The following SGCZ variants were observed in gnomAD, a reference collection of about 807,000 sequenced individuals.
The protein encoded by SGCZ is zeta-sarcoglycan.
SGCZ carries 40 observed loss-of-function variants against 41.3 expected under a neutral mutation model. That is an observed-to-expected ratio of 0.97 (90% confidence interval 0.75 to 1.26). SGCZ has a LOEUF of 1.26. Among genes scored for constraint, SGCZ ranks in the 50% most tolerant of loss-of-function variants. The pLI is 0.00. For missense variants in SGCZ, 552 were observed against 369.8 expected, an observed-to-expected ratio of 1.49 and a Z score of -4.04; for synonymous variants, 206 against 137.5, an observed-to-expected ratio of 1.50 and a Z score of -3.49.
At chr8:14,484,739 C>G (rs1801627514) in intron 2 of SGCZ, among the ~76,000 whole-genome samples, 1 of 152,090 alleles carries the variant, frequency 6.6e-6, no homozygotes, top group Non-Finnish European at 1.5e-5. Context: ...ATATTTATAT[C>G]TAAAATGTTT....
chr8:15,079,512 T>C (rs1055000423), intron 1 of SGCZ, among the ~76,000 whole-genome samples: 4 of 152,232 alleles, frequency 2.6e-5, no homozygotes, highest in Non-Finnish European at 4.4e-5. Context: ...CTTAAGCAAA[T>C]AAGTTTGCCT....
At position 14,669,173 on chromosome 8, in the gene SGCZ, A is replaced by AAC. The variant is rs1001554139; in HGVS notation, c.40-114249_40-114248dup. 1.2e-3 allele frequency among the ~76,000 whole-genome samples: 158 copies of AAC among 134,408 alleles called. 1 individual carries two copies. The highest frequency in any genetic ancestry group is 4.1e-3 in the African/African-American group (136 of 32,870). The allele number at this position is 134,408 out of a possible 152,430, so 88.2% of individuals were successfully genotyped here. Reference sequence around the variant, plus strand: ...AACATGGTAAAACCTCGTCTCTACAAACACACACACACACACTACAAATAT... The same window carrying AAC: ...AACATGGTAAAACCTCGTCTCTACAAACACACACACACACACACTACAAATAT... On this transcript the variant is annotated intron_variant, in intron 1 of 7. Coordinates refer to ENST00000382080, the MANE Select transcript of SGCZ (RefSeq NM_139167.4).
intron 2 of SGCZ, among the ~76,000 whole-genome samples, chr8:14,476,092 C>A (rs1044468973): frequency 9.2e-5 from 14 of 152,066 alleles, no homozygotes; most frequent in Admixed American, 6.6e-4. Flanking sequence ...GGTGTGCTGG[C>A]CTGATGGTTA....
chr8:14,731,575 C>T (rs960461476), intron 1 of SGCZ, among the ~76,000 whole-genome samples: 27 of 152,034 alleles, frequency 1.8e-4, no homozygotes, highest in African/African-American at 6.5e-4. Context: ...CTGTTTAATT[C>T]AACAATACTT....
At chr8:14,915,634 A>G (rs1564449) in intron 1 of SGCZ, among the ~76,000 whole-genome samples, 18,665 of 152,116 alleles carry the variant, frequency 0.12, 2,575 homozygotes, top group African/African-American at 0.34. Context: ...GGGCACGGCG[A>G]CCAGCCTTCC....
chr8:14,654,352 C>G (rs983894575), intron 1 of SGCZ, among the ~76,000 whole-genome samples: 7 of 151,942 alleles, frequency 4.6e-5, no homozygotes, highest in Non-Finnish European at 1.0e-4. Flanking sequence ...CCAGGCTGCT[C>G]ACTGTGCCTC....
intron 2 of SGCZ, among the ~76,000 whole-genome samples, chr8:14,475,589 G>T (rs1363702562): frequency 6.6e-6 from 1 of 152,058 alleles, no homozygotes; most frequent in Non-Finnish European, 1.5e-5. Context: ...GTCTTTATTG[G>T]TTGGATTTTA....
chr8:15,221,713 C>G (rs1355535624), intron 1 of SGCZ, among the ~76,000 whole-genome samples: 1 of 152,126 alleles, frequency 6.6e-6, no homozygotes, highest in African/African-American at 2.4e-5. Context: ...GACGACTCTG[C>G]CCGAAACCTA....
At chr8:14,965,174 A>T (rs184294326) in intron 1 of SGCZ, among the ~76,000 whole-genome samples, 45 of 152,292 alleles carry the variant, frequency 3.0e-4, no homozygotes, top group African/African-American at 1.1e-3. Flanking sequence ...TAGTTCGCAG[A>T]ACTCAAAAAG....
chr8:14,826,776 G>A (rs1802338564), intron 1 of SGCZ, among the ~76,000 whole-genome samples: 1 of 152,090 alleles, frequency 6.6e-6, no homozygotes, highest in Admixed American at 6.6e-5. Context: ...CTTTTTGATG[G>A]GGTTGTTTGT....
intron 1 of SGCZ, among the ~76,000 whole-genome samples, chr8:14,573,650 G>GCAGGAGAGACTGGTTCC (rs1804626617): frequency 1.3e-5 from 2 of 151,890 alleles, no homozygotes; most frequent in Non-Finnish European, 2.9e-5. Context: ...TTCTCTTATG[G>GCAGGAGAGACTGGTTCC]CAGGAGAGAC....
chr8:15,070,557 G>A (rs548000910), intron 1 of SGCZ, among the ~76,000 whole-genome samples: 14 of 152,246 alleles, frequency 9.2e-5, no homozygotes, highest in Admixed American at 5.2e-4. Context: ...AGAATGTAAC[G>A]AGTAAGAATT....
At chr8:14,748,620 T>A (rs562266595) in intron 1 of SGCZ, among the ~76,000 whole-genome samples, 45 of 152,260 alleles carry the variant, frequency 3.0e-4, no homozygotes, top group Non-Finnish European at 5.0e-4. Flanking sequence ...ACAAAACAGA[T>A]TTTTGGAAAA....
intron 2 of SGCZ, among the ~76,000 whole-genome samples, chr8:14,444,363 G>C (rs1186901865): frequency 1.3e-5 from 2 of 152,116 alleles, no homozygotes; most frequent in Middle Eastern, 3.4e-3. Context: ...ACATGCACAC[G>C]TATGTTTATT....
chr8:14,215,499 G>C (rs989219868), intron 4 of SGCZ, among the ~76,000 whole-genome samples: 4 of 146,084 alleles, frequency 2.7e-5, no homozygotes, highest in Non-Finnish European at 6.0e-5. Context: ...AAGGCAGAAA[G>C]AAAAAAAAAG....
chr8:14,500,507 C>T (rs1802120049), intron 2 of SGCZ, among the ~76,000 whole-genome samples: 2 of 151,166 alleles, frequency 1.3e-5, no homozygotes. Context: ...TTTAAGTAGA[C>T]AAAATGGTTC....
At position 14,679,284 on chromosome 8, in the gene SGCZ, T is replaced by A. The variant is rs112674358; in HGVS notation, c.40-124358A>T. 5.4e-3 allele frequency among the ~76,000 whole-genome samples: 818 copies of A among 152,136 alleles called. 8 individuals are homozygous for A. Among genetic ancestry groups the A allele is most frequent in the African/African-American group, 0.019 (779 of 41,514 alleles). On this transcript the variant is annotated intron_variant, in intron 1 of 7. Coordinates refer to ENST00000382080, the MANE Select transcript of SGCZ (RefSeq NM_139167.4). ...GCTTCTTTTGCATACATATTTTTTTTAAAGTTAACTGTAAGCCTCAGGAAG... is the reference window on the plus strand; with the variant it reads ...GCTTCTTTTGCATACATATTTTTTTAAAAGTTAACTGTAAGCCTCAGGAAG...
At position 15,023,415 on chromosome 8, in the gene SGCZ, C is replaced by T. The variant is rs184543474; in HGVS notation, c.39+214170G>A. Among the ~76,000 whole-genome samples the T allele has an allele frequency of 6.2e-4, 95 of 152,216 alleles. 2 individuals are homozygous for T. The South Asian group carries it at 6.4e-3, about 10-fold the overall frequency. ...GAAGACAACAAGATGCAAAGACTCG[C>T]GCCTTCTCTCCCACACACATTCCTT... is the stretch of plus-strand genomic sequence containing the variant. On this transcript the variant is annotated intron_variant, in intron 1 of 7. Coordinates refer to ENST00000382080, the MANE Select transcript of SGCZ (RefSeq NM_139167.4).
At chr8:14,296,823 C>G (rs1038602368) in intron 3 of SGCZ, among the ~76,000 whole-genome samples, 51 of 151,878 alleles carry the variant, frequency 3.4e-4, no homozygotes, top group African/African-American at 9.9e-4. Flanking sequence ...AAATACGTAT[C>G]AAAATAAAAG....
Sources: allele counts gnomAD v4.1 joint callset (sites outside exome capture counted in the v4.1 genomes callset), GRCh38; gene constraint gnomAD v4.1.1; transcripts MANE v1.5; gene names NCBI Gene and HGNC (gene_info 2026-07-23, HGNC 2026-07-21).